OR8G5: variants seen among roughly 807,000 people sequenced by gnomAD.
OR8G5 encodes the protein olfactory receptor 8G5.
For missense variants in OR8G5, 347 were observed against 371.9 expected, an observed-to-expected ratio of 0.93 and a Z score of 0.55; for synonymous variants, 147 against 147.7, an observed-to-expected ratio of 1.00 and a Z score of 0.03.
In OR8G5 at chr11:124,265,875, T is replaced by G. The variant is rs1862025805; in HGVS notation, c.*8T>G. ...AAAAGAACATTCTTATGAACAGAAG[T>G]ACAATGAAAAAGATTGCATTAGATC... On this transcript the variant is annotated 3_prime_UTR_variant, in exon 2 of 2. Coordinates refer to ENST00000641992, the MANE Select transcript of OR8G5 (RefSeq NM_001005198.2). 1 of 1,591,974 alleles carries G rather than the reference T, an allele frequency of 6.3e-7. No homozygotes were observed. Among genetic ancestry groups the G allele is most frequent in the African/African-American group, 1.4e-5 (1 of 73,998 alleles).
intron 1 of OR8G5, among the ~76,000 whole-genome samples, chr11:124,258,594 AAAG>A (rs1861934812): frequency 6.6e-6 from 1 of 152,132 alleles, no homozygotes; most frequent in Non-Finnish European, 1.5e-5. Flanking sequence ...TAATAATAAA[AAAG>A]ACATTCATAA....
chr11:124,265,522 A>G lies in OR8G5; in HGVS notation c.591A>G (p.Leu197=). 6.2e-7 allele frequency: 1 copy of G among 1,613,922 alleles called. No homozygotes were observed. The highest frequency in any genetic ancestry group is 8.5e-7 in the Non-Finnish European group (1 of 1,179,816). Reference sequence around the variant, plus strand: ...GTTCTAGTACTTACATTAATGAGTTACTGATTTTAATCTTTAGTGGAATTA... The same window carrying G: ...GTTCTAGTACTTACATTAATGAGTTGCTGATTTTAATCTTTAGTGGAATTA... ...LSCSSTYINE[L]LILIFSGINI... Residue 197 remains leucine, a synonymous_variant, in exon 2 of 2, where the codon TTA becomes TTG. Transcript: ENST00000641992.
At chr11:124,262,029 T>G (rs1045283550) in intron 1 of OR8G5, among the ~76,000 whole-genome samples, 1 of 151,886 alleles carries the variant, frequency 6.6e-6, no homozygotes, top group African/African-American at 2.4e-5. Flanking sequence ...GAGGGAAATT[T>G]ATACCTTATA....
At chr11:124,260,868 G>A (rs2512183) in intron 1 of OR8G5, among the ~76,000 whole-genome samples, 129,483 of 151,624 alleles carry the variant, frequency 0.85, 55,375 homozygotes, top group East Asian at 0.89. Context: ...TACACTACAT[G>A]TTGTTGTTAA....
chr11:124,256,787 C>T (rs1449933021), intron 1 of OR8G5, among the ~76,000 whole-genome samples, 153 bp downstream of exon 1: 4 of 152,114 alleles, frequency 2.6e-5, no homozygotes, highest in Admixed American at 2.6e-4. Flanking sequence ...CAGTGATTTG[C>T]CAGATATGGG....
At chr11:124,258,093 G>A (rs953116032) in intron 1 of OR8G5, among the ~76,000 whole-genome samples, 1 of 152,112 alleles carries the variant, frequency 6.6e-6, no homozygotes, top group Admixed American at 6.6e-5. Flanking sequence ...AACATCTAAA[G>A]GGTGTATTCT....
In OR8G5 at chr11:124,265,079, G is replaced by C; in HGVS notation, c.148G>C (p.Gly50Arg). ...GAACCTGGGCATGATCACACTGATT[G>C]GGCTCAGTTCTCACCTGCACACACC... ...LGNLGMITLI[G>R]LSSHLHTPMY... Residue 50 changes from glycine to arginine, a missense_variant, in exon 2 of 2, where the codon GGG (glycine) becomes CGG (arginine). By Grantham distance (125) the Gly-to-Arg change is moderately radical (BLOSUM62 -2). Coordinates refer to ENST00000641992, the MANE Select transcript of OR8G5 (RefSeq NM_001005198.2). 1 of 1,614,116 alleles carries C rather than the reference G, an allele frequency of 6.2e-7. No homozygotes were observed. Among genetic ancestry groups the C allele is most frequent in the Non-Finnish European group, 8.5e-7 (1 of 1,180,014 alleles).
intron 1 of OR8G5, 25 bp downstream of exon 1, chr11:124,256,659 T>C (rs1034651562): frequency 2.5e-4 from 38 of 152,256 alleles, no homozygotes; most frequent in Admixed American, 2.2e-3. Flanking sequence ...CTCACACTTA[T>C]GATTTGATGC....
intron 1 of OR8G5, among the ~76,000 whole-genome samples, chr11:124,260,424 G>A (rs1861958417): frequency 6.6e-6 from 1 of 151,836 alleles, no homozygotes; most frequent in Admixed American, 6.6e-5. Context: ...CTTAATACCT[G>A]GGTGAGTAAA....
intron 1 of OR8G5, among the ~76,000 whole-genome samples, chr11:124,262,895 G>A (rs1009132512): frequency 6.6e-6 from 1 of 152,078 alleles, no homozygotes; most frequent in Admixed American, 6.6e-5. Flanking sequence ...TAAGAAATTG[G>A]CAAACTCTTT....
At chr11:124,258,828 T>TGTGTTGGG (rs1439308950) in intron 1 of OR8G5, among the ~76,000 whole-genome samples, 16 of 152,154 alleles carry the variant, frequency 1.1e-4, no homozygotes, top group Non-Finnish European at 4.4e-5. Flanking sequence ...TAACACATTC[T>TGTGTTGGG]AAGTCCATGG....
rs372194589 is a variant in OR8G5 at position 124,265,704 on chromosome 11, T to A, written c.773T>A (p.Met258Lys). ...GTTTTCTTTGGGTCTGCAGCATTCA[T>A]GTACCTGCAGCCATCATCTGTCAGC... ...VSVFFGSAAFMYLQPSSVSSM... is the reference protein window; with the variant it reads ...VSVFFGSAAFKYLQPSSVSSM... The change falls in exon 2 of 2, where the codon ATG becomes AAG. Residue 258 changes from methionine (M) to lysine (K), a missense_variant. Transcript: ENST00000641992. 1.0e-4 allele frequency: 161 copies of A among 1,613,956 alleles called. No homozygotes were observed. The highest frequency in any genetic ancestry group is 1.3e-4 in the Non-Finnish European group (159 of 1,179,938).
At chr11:124,258,347 A>G (rs752646433) in intron 1 of OR8G5, among the ~76,000 whole-genome samples, 3 of 152,086 alleles carry the variant, frequency 2.0e-5, no homozygotes, top group Admixed American at 1.3e-4. Flanking sequence ...GCCTGAGGTC[A>G]GGAGTTCGAG....
rs376743978 is a variant in OR8G5 at position 124,265,775 on chromosome 11, G to T, written c.844G>T (p.Val282Leu). Reference protein sequence around the residue: ...KVSSVFYTIVVPMLNPLIYSL... With the variant: ...KVSSVFYTIVLPMLNPLIYSL... ...GTCCTCTGTGTTTTATACTATTGTTGTGCCCATGCTGAACCCCCTGATCTA... is the reference window on the plus strand; with the variant it reads ...GTCCTCTGTGTTTTATACTATTGTTTTGCCCATGCTGAACCCCCTGATCTA... The change falls in exon 2 of 2, where the codon GTG becomes TTG. Residue 282 changes from valine (V) to leucine (L), a missense_variant. Coordinates refer to ENST00000641992, the MANE Select transcript of OR8G5 (RefSeq NM_001005198.2). The T allele has an allele frequency of 3.0e-5, 49 of 1,614,006 alleles. 1 individual carries two copies. The South Asian group carries it at 5.2e-4, about 17-fold the overall frequency.
chr11:124,258,489 T>C (rs1861933584), intron 1 of OR8G5, among the ~76,000 whole-genome samples: 1 of 151,218 alleles, frequency 6.6e-6, no homozygotes, highest in Admixed American at 6.6e-5. Flanking sequence ...ACCCAGGAGG[T>C]GAAGGTTGCA....
chr11:124,266,079 G>C lies in OR8G5; in HGVS notation c.*212G>C. 1.7e-6 allele frequency: 1 copy of C among 583,402 alleles called. No individual in the cohort carries two copies. The highest frequency in any genetic ancestry group is 3.0e-5 in the South Asian group (1 of 33,372). The allele number at this position is 583,402 out of a possible 1,614,324, so 36.1% of individuals were successfully genotyped here. A position where few individuals can be genotyped will look rare whatever the true frequency, so the allele number is the denominator to read the frequency against. On this transcript the variant is annotated 3_prime_UTR_variant, in exon 2 of 2. Coordinates refer to ENST00000641992, the MANE Select transcript of OR8G5 (RefSeq NM_001005198.2). ...ATTACGAAGACATGATATTTTCTTA[G>C]AAGAAATAATAAGATTGACATAGTG... is the stretch of plus-strand genomic sequence containing the variant.
chr11:124,261,730 A>G (rs1861973285), intron 1 of OR8G5, among the ~76,000 whole-genome samples: 1 of 152,058 alleles, frequency 6.6e-6, no homozygotes, highest in Non-Finnish European at 1.5e-5. Context: ...CAGGCAATGT[A>G]TCCTTTTAAG....
At position 124,265,258 on chromosome 11, in the gene OR8G5, T is replaced by C. The variant is rs1862016227; in HGVS notation, c.327T>C (p.Ile109=). The change falls in exon 2 of 2, where the codon ATT becomes ATC. Residue 109 remains isoleucine, a synonymous_variant. Coordinates refer to ENST00000641992, the MANE Select transcript of OR8G5 (RefSeq NM_001005198.2). The part of the protein sequence containing the change: ...TQLYFFLVFA[I]AECHMLAAMA... ...TCTACTTCTTCCTCGTTTTTGCTAT[T>C]GCAGAGTGTCACATGTTGGCTGCAA... 2.5e-6 allele frequency: 4 copies of C among 1,614,066 alleles called. No homozygotes were observed. Among genetic ancestry groups the C allele is most frequent in the Non-Finnish European group, 3.4e-6 (4 of 1,179,900 alleles).
rs1051076169 is a variant in OR8G5 at position 124,256,519 on chromosome 11, T to C, written c.-130T>C. ...GCTTTGCAGTCTCAGGACTAAAGAC[T>C]ACAGAACGCTGGCTTGGTACCTATG... On this transcript the variant is annotated 5_prime_UTR_variant, in exon 1 of 2. Coordinates refer to ENST00000641992, the MANE Select transcript of OR8G5 (RefSeq NM_001005198.2). 9.9e-5 allele frequency: 15 copies of C among 152,236 alleles called. No homozygotes were observed. The highest frequency in any genetic ancestry group is 2.0e-4 in the Admixed American group (3 of 15,278). The allele number at this position is 152,236 out of a possible 1,614,324, so 9.4% of individuals were successfully genotyped here. A position where few individuals can be genotyped will look rare whatever the true frequency, so the allele number is the denominator to read the frequency against.
Sources: allele counts gnomAD v4.1 joint callset (sites outside exome capture counted in the v4.1 genomes callset), GRCh38; gene constraint gnomAD v4.1.1; transcripts MANE v1.5; gene names NCBI Gene and HGNC (gene_info 2026-07-23, HGNC 2026-07-21).